Variants in STMN3 observed in about 807,000 individuals in gnomAD.
STMN3 encodes the protein stathmin 3.
In STMN3, 24 loss-of-function variants were observed where a neutral mutation model predicts 23.2. The ratio of observed to expected loss-of-function variants is 1.03; its 90% CI spans 0.75 to 1.45. STMN3 has a LOEUF of 1.45. Among genes scored for constraint, STMN3 ranks in the 40% most tolerant of loss-of-function variants. The pLI is 0.00. For synonymous variants in STMN3, 117 were observed against 103.4 expected (o/e 1.13, Z -0.80); for missense variants, 235 against 237.6 (o/e 0.99, Z 0.07).
chr20:63,649,432 G>A (rs2089840699), intron 1 of STMN3, among the ~76,000 whole-genome samples: 1 of 152,110 alleles, frequency 6.6e-6, no homozygotes, highest in Non-Finnish European at 1.5e-5. Flanking sequence ...ACAGAGAGAG[G>A]ATGCCGAGGC....
At chr20:63,641,794 C>T (rs1308355409) in intron 4 of STMN3, among the ~76,000 whole-genome samples, 2 of 148,160 alleles carry the variant, frequency 1.3e-5, no homozygotes, top group East Asian at 2.0e-4. Context: ...CCCAGCTCAG[C>T]GCCTCGGAGT....
rs541515208 is a variant in STMN3, at chr20:63,642,310, C to T, written c.292-11G>A. ...CTGCGCCTCCTGCGTCTGTGCGGGGCCGGCGGGCGCGCGTGAGCGGCAACC... is the reference window on the plus strand; with the variant it reads ...CTGCGCCTCCTGCGTCTGTGCGGGGTCGGCGGGCGCGCGTGAGCGGCAACC... On this transcript the variant is annotated splice_polypyrimidine_tract_variant and intron_variant, in intron 3 of 4. Coordinates refer to ENST00000370053, the MANE Select transcript of STMN3 (RefSeq NM_015894.4). 3.4e-6 allele frequency: 5 copies of T among 1,468,372 alleles called. No homozygotes were observed. Among genetic ancestry groups the T allele is most frequent in the South Asian group, 1.3e-5 (1 of 74,386 alleles). The allele number at this position is 1,468,372 out of a possible 1,614,324, so 91.0% of individuals were successfully genotyped here.
chr20:63,649,808 G>A (rs758172871), intron 1 of STMN3, among the ~76,000 whole-genome samples: 2 of 149,988 alleles, frequency 1.3e-5, no homozygotes, highest in Non-Finnish European at 3.0e-5. Flanking sequence ...GGGATTACAG[G>A]TGTGAGCCAC....
chr20:63,645,965 AAAAG>A lies in STMN3; in HGVS notation c.20-1660_20-1657del, dbSNP rs1422938886. On this transcript the variant is annotated intron_variant, in intron 1 of 4. Coordinates refer to ENST00000370053, the MANE Select transcript of STMN3 (RefSeq NM_015894.4). ...GAGACTCCGTCTCAAAACAGAAAGAAAAAGAGAGAGAGGAAGAAAGGAAGGAGGG... is the reference window on the plus strand; with the variant it reads ...GAGACTCCGTCTCAAAACAGAAAGAAAGAGAGAGGAAGAAAGGAAGGAGGG... 5.3e-5 allele frequency among the ~76,000 whole-genome samples: 8 copies of A among 151,938 alleles called. No individual in the cohort carries two copies. In the South Asian group the frequency reaches 6.2e-4, roughly 12 times the overall value.
At chr20:63,651,051 C>T in intron 1 of STMN3, among the ~76,000 whole-genome samples, 1 of 151,922 alleles carries the variant, frequency 6.6e-6, no homozygotes, top group South Asian at 2.1e-4. Context: ...CCTCCCTCTC[C>T]CCGGGTCAAG....
intron 2 of STMN3, 111 bp downstream of exon 2, chr20:63,644,103 C>T: frequency 3.0e-6 from 4 of 1,338,462 alleles, no homozygotes; most frequent in Non-Finnish European, 4.1e-6. Context: ...CCTAGAACCT[C>T]CCTCTCCAGA....
chr20:63,645,650 A>C (rs1398755322), intron 1 of STMN3, among the ~76,000 whole-genome samples: 1 of 152,202 alleles, frequency 6.6e-6, no homozygotes, highest in African/African-American at 2.4e-5. Flanking sequence ...GTTTCTCACT[A>C]GTGCTCGATA....
chr20:63,641,192 G>A lies in STMN3; in HGVS notation c.*146C>T. On this transcript the variant is annotated 3_prime_UTR_variant, in exon 5 of 5. Transcript: ENST00000370053. The stretch of plus-strand genomic sequence containing the variant: ...GCGACTCACCACGAGGACAGGGCAG[G>A]GCGGCTGAGTGCGGAAGAGAAGCAT... 3 of 750,866 alleles carry A rather than the reference G, an allele frequency of 4.0e-6. No homozygotes were observed. The highest frequency in any genetic ancestry group is 1.5e-5 in the South Asian group (1 of 67,216). The allele number at this position is 750,866 out of a possible 1,614,324, so 46.5% of individuals were successfully genotyped here. A position where few individuals can be genotyped will look rare whatever the true frequency, so the allele number is the denominator to read the frequency against.
chr20:63,641,438 C>T (rs1601053198), intron 4 of STMN3, 41 bp from the exon 5 acceptor site: 2 of 1,512,246 alleles, frequency 1.3e-6, no homozygotes, highest in South Asian at 1.2e-5. Context: ...GCGGGGGTGG[C>T]TTGGGGCGAC....
Position 63,644,209 on chromosome 20 carries a change from C to CCGCAGGGAAGGGCAGGCG in STMN3, c.115+4_115+5insCGCCTGCCCTTCCCTGCG. 1 of 1,612,748 alleles carries CCGCAGGGAAGGGCAGGCG rather than the reference C, an allele frequency of 6.2e-7. No homozygotes were observed. The highest frequency in any genetic ancestry group is 8.5e-7 in the Non-Finnish European group (1 of 1,179,290). On this transcript the variant is annotated splice_donor_region_variant and intron_variant, in intron 2 of 4. Transcript: ENST00000370053. ...GGGAAGGGCAGGCGGCAGCCAGGCACTCACCCCCGTACTGGTAGACGGTAT... is the reference window on the plus strand; with the variant it reads ...GGGAAGGGCAGGCGGCAGCCAGGCACCGCAGGGAAGGGCAGGCGTCACCCCCGTACTGGTAGACGGTAT...
intron 1 of STMN3, among the ~76,000 whole-genome samples, chr20:63,650,823 TCCCGCCG>T (rs2089852825): frequency 2.2e-5 from 1 of 44,974 alleles, no homozygotes; most frequent in Non-Finnish European, 4.2e-5. Context: ...CGCCCACCCC[TCCCGCCG>T]CCCAGGTGGA....
Position 63,642,223 on chromosome 20 carries a change from T to C in STMN3, c.368A>G (p.Glu123Gly). 6.4e-7 allele frequency: 1 copy of C among 1,563,054 alleles called. No homozygotes were observed. Among genetic ancestry groups the C allele is most frequent in the Non-Finnish European group, 8.6e-7 (1 of 1,156,704 alleles). Residue 123 changes from glutamate to glycine, a missense_variant, in exon 4 of 5, where the codon GAG (glutamate) becomes GGG (glycine). Glu to Gly is a moderately conservative substitution (Grantham distance 98). Transcript: ENST00000370053. ...HEREVLHKAL[E>G]ENNNFSRQAE... ...CTGGCGGCTGAAGTTGTTATTCTCC[T>C]CCAGCGCCTTGTGCAGCACCTCGCG... is the stretch of plus-strand genomic sequence containing the variant.
chr20:63,651,702 G>A lies in STMN3; in HGVS notation c.19+1625C>T, dbSNP rs113870928. ...GGCCTCAGAACAAGCCCCAGGAGAG[G>A]TGCCAGCACCGTCATCTCTACCCAG... is the stretch of plus-strand genomic sequence containing the variant. On this transcript the variant is annotated intron_variant, in intron 1 of 4. Transcript: ENST00000370053. 8.1e-4 allele frequency among the ~76,000 whole-genome samples: 124 copies of A among 152,362 alleles called. 1 individual carries two copies. The highest frequency in any genetic ancestry group is 2.9e-3 in the African/African-American group (121 of 41,584).
intron 1 of STMN3, 92 bp downstream of exon 1, chr20:63,653,235 G>A: frequency 2.7e-6 from 4 of 1,473,180 alleles, no homozygotes; most frequent in Non-Finnish European, 3.7e-6. Flanking sequence ...AGGGAAATTG[G>A]CGTCCGCTGC....
At chr20:63,643,559 G>A in intron 3 of STMN3, 197 bp downstream of exon 3, 8 of 876,192 alleles carry the variant, frequency 9.1e-6, no homozygotes, top group Non-Finnish European at 1.1e-5. Flanking sequence ...GGGATTACAG[G>A]CGTGAGCCAC....
chr20:63,653,106 G>A (rs1601065679), intron 1 of STMN3, among the ~76,000 whole-genome samples: 1 of 151,318 alleles, frequency 6.6e-6, no homozygotes, highest in Non-Finnish European at 1.5e-5. Context: ...CCGACGTCCC[G>A]GTCCCGAGCG....
intron 3 of STMN3, among the ~76,000 whole-genome samples, chr20:63,642,588 C>T (rs972065191): frequency 6.6e-6 from 1 of 152,194 alleles, no homozygotes; most frequent in Non-Finnish European, 1.5e-5. Flanking sequence ...CCCCGCCATA[C>T]CCTGCCGCCA....
chr20:63,651,995 C>G (rs3787104), intron 1 of STMN3, among the ~76,000 whole-genome samples: 2 of 151,592 alleles, frequency 1.3e-5, no homozygotes, highest in African/African-American at 4.8e-5. Context: ...GGAGGGGAGT[C>G]CCCTCCGCTG....
chr20:63,647,973 TATATATAC>T (rs1302807645), intron 1 of STMN3, among the ~76,000 whole-genome samples: 3,319 of 81,732 alleles, frequency 0.041, 352 homozygotes, highest in African/African-American at 0.1. Flanking sequence ...TATATATATA[TATATATAC>T]ATATATATAT....
Sources: gnomAD v4.1 joint callset for allele counts (sites outside exome capture counted in the v4.1 genomes callset) on GRCh38, gnomAD v4.1.1 for gene constraint, MANE v1.5 for transcripts, NCBI Gene and HGNC (gene_info 2026-07-23, HGNC 2026-07-21) for gene names.